SLC4A7: variants seen among roughly 807,000 people sequenced by gnomAD.
SLC4A7 encodes the protein sodium bicarbonate cotransporter 3.
A neutral mutation model predicts 137.6 loss-of-function variants in SLC4A7; 51 were observed. The ratio of observed to expected loss-of-function variants is 0.37; its 90% confidence interval spans 0.30 to 0.47. The LOEUF (loss-of-function observed/expected upper bound fraction) is 0.47. SLC4A7 is among the 20% of genes least tolerant of loss of function. SLC4A7 has a pLI of 1.00. For synonymous variants in SLC4A7, 542 were observed against 518.6 expected (o/e 1.05, Z -0.61); for missense variants, 1,247 against 1,525.4 (o/e 0.82, Z 3.04).
At chr3:27,464,336 T>A (rs1049937431) in intron 1 of SLC4A7, among the ~76,000 whole-genome samples, 1 of 152,212 alleles carries the variant, frequency 6.6e-6, no homozygotes, top group African/African-American at 2.4e-5. Flanking sequence ...GATCTATTAA[T>A]TCAATATAAC....
intron 5 of SLC4A7, among the ~76,000 whole-genome samples, chr3:27,434,457 T>C (rs1260269789): frequency 6.6e-6 from 1 of 152,140 alleles, no homozygotes; most frequent in Non-Finnish European, 1.5e-5. Flanking sequence ...CCAAACCTCA[T>C]ATTCTCCCCC....
In SLC4A7 at chr3:27,452,403, T is replaced by G. The variant is rs762368270; in HGVS notation, c.142+14A>C. The G allele has an allele frequency of 6.4e-6, 10 of 1,570,584 alleles. No individual in the cohort carries two copies. The highest frequency in any genetic ancestry group is 2.7e-5 in the African/African-American group (2 of 73,526). The stretch of plus-strand genomic sequence containing the variant: ...ATCCTACTAAGCGAAGTAAGTTATT[T>G]TAAACCAACTTACTTTCTAGTTCTT... On this transcript the variant is annotated intron_variant, in intron 2 of 25. Transcript: ENST00000454389.
At chr3:27,431,705 C>T in intron 6 of SLC4A7, 36 bp from the exon 7 acceptor site, 1 of 1,494,250 alleles carries the variant, frequency 6.7e-7, no homozygotes, top group Non-Finnish European at 8.9e-7. Context: ...ATGATGAAGT[C>T]CACTGCAGAA....
chr3:27,469,034 G>A (rs1331836753), intron 1 of SLC4A7, among the ~76,000 whole-genome samples: 1 of 151,812 alleles, frequency 6.6e-6, no homozygotes, highest in Non-Finnish European at 1.5e-5. Context: ...TTGAACCCAG[G>A]AAGCGGAGGT....
At chr3:27,402,622 C>T (rs951568273) in intron 15 of SLC4A7, among the ~76,000 whole-genome samples, 1 of 151,950 alleles carries the variant, frequency 6.6e-6, no homozygotes, top group Admixed American at 6.6e-5. Flanking sequence ...TCACTTGAAC[C>T]TGGGAGGCAG....
chr3:27,461,355 C>T (rs1576608165), intron 1 of SLC4A7, among the ~76,000 whole-genome samples: 1 of 151,784 alleles, frequency 6.6e-6, no homozygotes, highest in South Asian at 2.1e-4. Flanking sequence ...GCCAAGACCA[C>T]GCCACTGCAC....
chr3:27,446,486 T>TA (rs2057648859), intron 3 of SLC4A7, among the ~76,000 whole-genome samples: 1 of 152,158 alleles, frequency 6.6e-6, no homozygotes, highest in Non-Finnish European at 1.5e-5. Context: ...CCCCTATACT[T>TA]AACACTTTTA....
intron 16 of SLC4A7, among the ~76,000 whole-genome samples, chr3:27,398,818 C>A (rs1453123409): frequency 6.6e-6 from 1 of 152,048 alleles, no homozygotes; most frequent in African/African-American, 2.4e-5. Context: ...GCTACAGTAC[C>A]TAAATTAAAA....
At chr3:27,423,576 T>C (rs1423324717) in intron 8 of SLC4A7, 1 of 152,602 alleles carries the variant, frequency 6.6e-6, no homozygotes, top group Non-Finnish European at 1.5e-5. Context: ...CACCAATATA[T>C]TTCTCAGTGA....
At chr3:27,389,895 T>G (rs961736368) in intron 22 of SLC4A7, 36 bp downstream of exon 22, 1 of 1,501,912 alleles carries the variant, frequency 6.7e-7, no homozygotes, top group Non-Finnish European at 9.2e-7. Context: ...AAACATATTA[T>G]TAATTAGTGA....
Position 27,452,423 on chromosome 3 carries a change from G to A in SLC4A7, c.136C>T (p.Leu46=). ...TTATTTTAAACCAACTTACTTTCTA[G>A]TTCTTCTTTTTCAAACTTGGTGTTC... The part of the protein sequence containing the change: ...TVNTKFEKEE[L]ESHRAVYIGV... The change falls in exon 2 of 26, where the codon CTA becomes TTA. Residue 46 remains leucine (L), a synonymous_variant. Coordinates refer to ENST00000454389, the MANE Select transcript of SLC4A7 (RefSeq NM_001321103.2). 2 of 1,599,662 alleles carry A rather than the reference G, an allele frequency of 1.3e-6. No homozygotes were observed. The highest frequency in any genetic ancestry group is 2.3e-5 in the South Asian group (2 of 88,776).
rs780871141 is a variant in SLC4A7, at chr3:27,448,802, T to TA, written c.143-6dup. The TA allele has an allele frequency of 2.2e-5, 35 of 1,570,950 alleles. No homozygotes were observed. In the South Asian group the frequency reaches 3.6e-4, roughly 16 times the overall value. ...CAATATATACAGCTCTATGACCTAT[T>TA]AAAAGGTTCAGAAACATATTACTAG... On this transcript the variant is annotated splice_polypyrimidine_tract_variant and splice_region_variant and intron_variant, in intron 2 of 25. Coordinates refer to ENST00000454389, the MANE Select transcript of SLC4A7 (RefSeq NM_001321103.2).
At chr3:27,420,057 G>C (rs1022423724) in intron 10 of SLC4A7, among the ~76,000 whole-genome samples, 3 of 151,652 alleles carry the variant, frequency 2.0e-5, no homozygotes, top group Non-Finnish European at 4.4e-5. Context: ...GGCATGGTGG[G>C]GTGCACCTGT....
chr3:27,456,591 A>G (rs1242725190), intron 1 of SLC4A7: 6 of 1,161,694 alleles, frequency 5.2e-6, no homozygotes, highest in African/African-American at 1.5e-5. Context: ...AAGCTTCACT[A>G]TTAAACTCTG....
intron 6 of SLC4A7, 125 bp from the exon 7 acceptor site, chr3:27,431,794 G>T: frequency 2.2e-6 from 2 of 904,054 alleles, no homozygotes; most frequent in Non-Finnish European, 3.1e-6. Context: ...TCAAAGTCAT[G>T]TGATGGTTAG....
At chr3:27,392,407 G>A (rs1211396104) in intron 20 of SLC4A7, among the ~76,000 whole-genome samples, 2 of 152,146 alleles carry the variant, frequency 1.3e-5, no homozygotes, top group Admixed American at 6.5e-5. Flanking sequence ...TCTGACCTAA[G>A]GGAGAAGTGT....
rs554339659 is a variant in SLC4A7 at position 27,438,194 on chromosome 3, G to GTCAA, written c.290-672_290-669dup. Among the ~76,000 whole-genome samples, 118 of 147,886 alleles carry GTCAA rather than the reference G, an allele frequency of 8.0e-4. 2 individuals are homozygous for GTCAA. Among genetic ancestry groups the GTCAA allele is most frequent in the African/African-American group, 2.9e-3 (116 of 39,966 alleles). On this transcript the variant is annotated intron_variant, in intron 3 of 25. Coordinates refer to ENST00000454389, the MANE Select transcript of SLC4A7 (RefSeq NM_001321103.2). ...CCTAGGCGACAGAGACTCCGTCTCAGTCAATCAATCAATAAAATAAAATAA... is the reference window on the plus strand; with the variant it reads ...CCTAGGCGACAGAGACTCCGTCTCAGTCAATCAATCAATCAATAAAATAAAATAA...
intron 18 of SLC4A7, among the ~76,000 whole-genome samples, chr3:27,397,252 G>C (rs1366176208): frequency 2.0e-5 from 3 of 152,120 alleles, no homozygotes; most frequent in Non-Finnish European, 2.9e-5. Context: ...CTGACCTCAA[G>C]TGATCCACCT....
At chr3:27,412,831 C>T (rs2054036384) in intron 11 of SLC4A7, among the ~76,000 whole-genome samples, 1 of 151,666 alleles carries the variant, frequency 6.6e-6, no homozygotes, top group Admixed American at 6.6e-5. Flanking sequence ...TGAGACCCAG[C>T]CAAAGCACAT....
Sources: gnomAD v4.1 joint callset for allele counts (sites outside exome capture counted in the v4.1 genomes callset) on GRCh38, gnomAD v4.1.1 for gene constraint, MANE v1.5 for transcripts, NCBI Gene and HGNC (gene_info 2026-07-23, HGNC 2026-07-21) for gene names.